The following GADL1 variants were observed in gnomAD, a reference collection of about 807,000 sequenced individuals.
GADL1 encodes the protein acidic amino acid decarboxylase GADL1.
In GADL1, 71 loss-of-function variants were observed where a neutral mutation model predicts 69.5. The observed-to-expected ratio is 1.02, with a 90% CI of 0.84 to 1.25. The LOEUF is 1.25. GADL1 is among the 50% of genes most tolerant of loss of function. The pLI is 0.00. For synonymous variants in GADL1, 254 were observed against 214.4 expected (o/e 1.18, Z -1.62); for missense variants, 737 against 631.8 (o/e 1.17, Z -1.79).
At chr3:30,861,280 T>C (rs1482026031) in intron 2 of GADL1, among the ~76,000 whole-genome samples, 4 of 151,680 alleles carry the variant, frequency 2.6e-5, no homozygotes, top group Non-Finnish European at 4.4e-5. Context: ...GATTAGCAGG[T>C]TACTTATCTA....
chr3:30,730,788 C>A (rs1163226537), intron 14 of GADL1, among the ~76,000 whole-genome samples: 1 of 152,148 alleles, frequency 6.6e-6, no homozygotes, highest in Non-Finnish European at 1.5e-5. Flanking sequence ...CCTGACTAAT[C>A]CTCCTCACCT....
chr3:30,760,658 T>C (rs1696105263), intron 14 of GADL1, among the ~76,000 whole-genome samples: 1 of 152,194 alleles, frequency 6.6e-6, no homozygotes, highest in South Asian at 2.1e-4. Flanking sequence ...CTGACAAACA[T>C]TCCAAAGGAT....
At chr3:30,892,561 G>A (rs887973786) in intron 1 of GADL1, among the ~76,000 whole-genome samples, 8 of 152,284 alleles carry the variant, frequency 5.3e-5, no homozygotes, top group African/African-American at 1.9e-4. Context: ...CATATATTCA[G>A]CTACCAAAGC....
chr3:30,779,847 A>AT (rs1696619163), intron 13 of GADL1, among the ~76,000 whole-genome samples: 2 of 152,172 alleles, frequency 1.3e-5, no homozygotes, highest in African/African-American at 4.8e-5. Context: ...CTCCCATGAC[A>AT]TGTGGTCCAA....
At chr3:30,731,249 G>A (rs1575176514) in intron 14 of GADL1, among the ~76,000 whole-genome samples, 1 of 152,138 alleles carries the variant, frequency 6.6e-6, no homozygotes. Context: ...AGGTACCCAG[G>A]GTATAACTGG....
rs1419303975 is a variant in GADL1 at position 30,741,132 on chromosome 3, ATATATATG to A, written c.1393-12725_1393-12718del. ...TCCTAGTATATATATATATATATATATATATATGTGTGAGATAGGTGGTTTGTTTGTAT... is the reference window on the plus strand; with the variant it reads ...TCCTAGTATATATATATATATATATATGTGAGATAGGTGGTTTGTTTGTAT... On this transcript the variant is annotated intron_variant, in intron 14 of 14. Transcript: ENST00000282538. Among the ~76,000 whole-genome samples, 1,029 of 134,532 alleles carry A rather than the reference ATATATATG, an allele frequency of 7.6e-3. 17 individuals carry two copies. The highest frequency in any genetic ancestry group is 0.026 in the African/African-American group (918 of 34,906). The allele number at this position is 134,532 out of a possible 152,430, so 88.3% of individuals were successfully genotyped here.
intron 14 of GADL1, among the ~76,000 whole-genome samples, chr3:30,772,210 A>G (rs1696433355): frequency 6.6e-6 from 1 of 152,212 alleles, no homozygotes; most frequent in East Asian, 1.9e-4. Flanking sequence ...ACTATTAAGG[A>G]GAAAGGAGCC....
chr3:30,803,189 A>T (rs934916880), intron 11 of GADL1, among the ~76,000 whole-genome samples: 1 of 152,114 alleles, frequency 6.6e-6, no homozygotes, highest in Non-Finnish European at 1.5e-5. Context: ...TCTGACCTGA[A>T]CACTAAAGTA....
chr3:30,870,929 A>G (rs1293469983), intron 1 of GADL1, among the ~76,000 whole-genome samples: 1 of 151,760 alleles, frequency 6.6e-6, no homozygotes, highest in Non-Finnish European at 1.5e-5. Flanking sequence ...TGGCTGGGAC[A>G]TAGGAAGATC....
intron 8 of GADL1, among the ~76,000 whole-genome samples, chr3:30,839,514 C>CAAAAAAAAAAAAAAAAAAAA (rs764490080): frequency 1.5e-4 from 16 of 105,630 alleles, no homozygotes; most frequent in African/African-American, 7.9e-4. Context: ...GTCATCTTCT[C>CAAAAAAAAAAAAAAAAAAAA]AAAAAAAAAA....
intron 1 of GADL1, among the ~76,000 whole-genome samples, chr3:30,862,704 T>C (rs1202059204): frequency 6.6e-6 from 1 of 151,990 alleles, no homozygotes; most frequent in Non-Finnish European, 1.5e-5. Flanking sequence ...GATCACCTGG[T>C]CACCTTCAAC....
At chr3:30,786,209 T>C (rs969835030) in intron 13 of GADL1, 146 bp downstream of exon 13, 7 of 654,960 alleles carry the variant, frequency 1.1e-5, no homozygotes, top group Non-Finnish European at 1.6e-5. Context: ...ATAGAGTAAA[T>C]TAACATAATA....
intron 1 of GADL1, among the ~76,000 whole-genome samples, chr3:30,877,441 G>A (rs554335106): frequency 2.0e-5 from 3 of 151,932 alleles, no homozygotes; most frequent in South Asian, 4.2e-4. Flanking sequence ...TAATATTAGG[G>A]AATCCAATTT....
At chr3:30,741,190 A>ATATGTGTGTGTG (rs747105488) in intron 14 of GADL1, among the ~76,000 whole-genome samples, 12,110 of 132,498 alleles carry the variant, frequency 0.091, 623 homozygotes, top group East Asian at 0.19. Flanking sequence ...TTATATAATT[A>ATATGTGTGTGTG]TGTGTGTGTG....
intron 14 of GADL1, among the ~76,000 whole-genome samples, chr3:30,756,345 T>C (rs1018395639): frequency 4.6e-5 from 7 of 152,054 alleles, no homozygotes; most frequent in African/African-American, 1.7e-4. Flanking sequence ...CAAGTCCAAG[T>C]GAGATTGTGG....
chr3:30,817,018 C>G (rs752928711), intron 11 of GADL1, among the ~76,000 whole-genome samples: 31 of 152,144 alleles, frequency 2.0e-4, no homozygotes, highest in Non-Finnish European at 2.8e-4. Flanking sequence ...GGCTGACATA[C>G]AGTGCCCATA....
intron 13 of GADL1, among the ~76,000 whole-genome samples, chr3:30,780,326 G>T (rs1449998191): frequency 6.6e-6 from 1 of 152,078 alleles, no homozygotes; most frequent in Non-Finnish European, 1.5e-5. Context: ...GCTATCCCAT[G>T]AGCCAAGGTC....
chr3:30,875,121 T>C (rs1457164755), intron 1 of GADL1, among the ~76,000 whole-genome samples: 1 of 151,396 alleles, frequency 6.6e-6, no homozygotes, highest in Non-Finnish European at 1.5e-5. Flanking sequence ...CTACAGCACC[T>C]CTTGAGATCT....
intron 6 of GADL1, among the ~76,000 whole-genome samples, chr3:30,845,136 C>G (rs4955341): frequency 1.3e-5 from 2 of 151,868 alleles, no homozygotes; most frequent in African/African-American, 4.8e-5. Flanking sequence ...GGCTAAAATC[C>G]TAAGAACAAA....
Sources: allele counts gnomAD v4.1 joint callset (sites outside exome capture counted in the v4.1 genomes callset), GRCh38; gene constraint gnomAD v4.1.1; transcripts MANE v1.5; gene names NCBI Gene and HGNC (gene_info 2026-07-23, HGNC 2026-07-21).